The following TAF6 variants were observed in gnomAD, a reference collection of about 807,000 sequenced individuals.
TAF6 encodes the protein transcription initiation factor TFIID subunit 6.
In TAF6, 50 loss-of-function variants were observed where a neutral mutation model predicts 73.5. The ratio of observed to expected loss-of-function variants is 0.68; its 90% CI spans 0.54 to 0.86. TAF6 has a LOEUF of 0.86. Among genes scored for constraint, TAF6 ranks in the 40% least tolerant of loss-of-function variants. TAF6 has a pLI of 0.00. For missense variants in TAF6, 768 were observed against 899.5 expected (o/e 0.85, Z 1.87); for synonymous variants, 424 against 376.7 (o/e 1.13, Z -1.45).
rs1797943944 is a variant in TAF6, at chr7:100,119,338, G to T, written c.-194C>A. 1 of 1,031,038 alleles carries T rather than the reference G, an allele frequency of 9.7e-7. No homozygotes were observed. Among genetic ancestry groups the T allele is most frequent in the African/African-American group, 1.7e-5 (1 of 57,928 alleles). 63.9% of individuals were successfully genotyped at this position (1,031,038 alleles called of 1,614,324 possible). ...CCGAGACGCTGCTCACCCGGCGCTC[G>T]GCGCCATCTTGGCCCCGCCCCCTCG... is the stretch of plus-strand genomic sequence containing the variant. On this transcript the variant is annotated 5_prime_UTR_variant, in exon 1 of 15. Transcript: ENST00000453269.
At chr7:100,119,595 GCCCCACCCTT>G, upstream of TAF6, 1 of 1,507,158 alleles carries the variant, frequency 6.6e-7, no homozygotes, top group Non-Finnish European at 8.9e-7. Context: ...TAGCAACGAG[GCCCCACCCTT>G]GTTGGGCTGA....
At chr7:100,122,268 T>C, upstream of TAF6, 1 of 1,611,170 alleles carries the variant, frequency 6.2e-7, no homozygotes, top group Non-Finnish European at 8.5e-7. Flanking sequence ...GTGTGTAAGC[T>C]GCTGAGCACA....
chr7:100,121,108 A>ATTTTTTTTTTTT (rs1562938218), upstream of TAF6: 3 of 17,890 alleles, frequency 1.7e-4, no homozygotes, highest in Non-Finnish European at 3.8e-4. Flanking sequence ...ATATATATAT[A>ATTTTTTTTTTTT]TATATATATT....
At chr7:100,120,677 G>C (rs1584584161), upstream of TAF6, among the ~76,000 whole-genome samples, 1 of 152,254 alleles carries the variant, frequency 6.6e-6, no homozygotes, top group East Asian at 1.9e-4. Context: ...TTTTTAAACA[G>C]ACTTAATCAC....
chr7:100,114,165 G>C lies in TAF6; in HGVS notation c.45C>G (p.Pro15=). ...CAGCCACCACCTTCATGGACTCCGA[G>C]GGCAGCACAGTGTTGCTAAGCTTCA... ...KKLKLSNTVL[P]SESMKVVAES... Residue 15 remains proline, a synonymous_variant, in exon 2 of 15, where the codon CCC becomes CCG. Transcript: ENST00000453269. 6.2e-7 allele frequency: 1 copy of C among 1,614,234 alleles called. No homozygotes were observed. The highest frequency in any genetic ancestry group is 1.3e-5 in the African/African-American group (1 of 75,062).
chr7:100,112,642 G>A (rs1421960523), intron 6 of TAF6, among the ~76,000 whole-genome samples, 156 bp downstream of exon 6: 1 of 152,120 alleles, frequency 6.6e-6, no homozygotes, highest in African/African-American at 2.4e-5. Context: ...TTGAACCCTG[G>A]AGGTGGAGGT....
intron 13 of TAF6, 25 bp downstream of exon 13, chr7:100,108,342 T>G: frequency 6.3e-7 from 1 of 1,582,722 alleles, no homozygotes; most frequent in Non-Finnish European, 8.6e-7. Flanking sequence ...TTCCTCCTAT[T>G]CCTCCTCCCC....
At chr7:100,122,690 G>C (rs1798108488), upstream of TAF6, 3 of 1,528,194 alleles carry the variant, frequency 2.0e-6, no homozygotes, top group Middle Eastern at 1.8e-4. Context: ...ACTCACCCTT[G>C]AATCTCCAGT....
At chr7:100,110,560 C>T (rs1205886148) in intron 10 of TAF6, among the ~76,000 whole-genome samples, 2 of 152,018 alleles carry the variant, frequency 1.3e-5, no homozygotes, top group Admixed American at 6.6e-5. Context: ...ACCCGTAATC[C>T]CAGCACTTTG....
chr7:100,119,861 A>C, upstream of TAF6: 2 of 1,611,192 alleles, frequency 1.2e-6, no homozygotes, highest in Non-Finnish European at 1.7e-6. Context: ...GCAAATGCGA[A>C]GGTATTTGAA....
chr7:100,109,651 C>T (rs572248770), intron 12 of TAF6, among the ~76,000 whole-genome samples: 1 of 151,776 alleles, frequency 6.6e-6, no homozygotes, highest in Non-Finnish European at 1.5e-5. Flanking sequence ...CACGTCACCA[C>T]TCCCGGCTTT....
In TAF6 at chr7:100,108,213, C is replaced by T. The variant is rs190598653; in HGVS notation, c.1459-90G>A. On this transcript the variant is annotated intron_variant, in intron 13 of 14. Coordinates refer to ENST00000453269, the MANE Select transcript of TAF6 (RefSeq NM_139315.3). The stretch of plus-strand genomic sequence containing the variant: ...GGCCTGGGCTCCCCTCGCTCTTCCT[C>T]AGTGGCTCTCACTAGGGCTGGGGCA... 250 of 1,464,452 alleles carry T rather than the reference C, an allele frequency of 1.7e-4. 2 individuals carry two copies. The African/African-American group carries it at 3.2e-3, about 19-fold the overall frequency. 90.7% of individuals were successfully genotyped at this position (1,464,452 alleles called of 1,614,324 possible). A position where few individuals can be genotyped will look rare whatever the true frequency, so the allele number is the denominator to read the frequency against.
upstream of TAF6, chr7:100,120,190 A>G: frequency 5.0e-6 from 1 of 201,526 alleles, no homozygotes; most frequent in South Asian, 1.0e-4. Flanking sequence ...ATGTCACCAG[A>G]CCTTAATCTG....
chr7:100,123,098 T>C (rs867108064), upstream of TAF6, among the ~76,000 whole-genome samples: 14 of 151,840 alleles, frequency 9.2e-5, no homozygotes, highest in African/African-American at 3.1e-4. Flanking sequence ...TCCCAGCAAT[T>C]TGGGAGGCTG....
At chr7:100,122,918 C>T, upstream of TAF6, 2 of 1,607,632 alleles carry the variant, frequency 1.2e-6, no homozygotes. Context: ...TAGGATAAGA[C>T]ACTGCACCAT....
At position 100,107,590 on chromosome 7, in the gene TAF6, C is replaced by T; in HGVS notation, c.1690G>A (p.Gly564Ser). 2 of 1,613,650 alleles carry T rather than the reference C, an allele frequency of 1.2e-6. No individual in the cohort carries two copies. The highest frequency in any genetic ancestry group is 8.5e-7 in the Non-Finnish European group (1 of 1,179,896). ...LSLSTSAPGS[G>S]STTTSPVTTT... ...GTGACGGGCGAAGTGGTGGTGGAAC[C>T]TGAGCCGGGGGCCGAGGTGCTGAGG... The change falls in exon 15 of 15, where the codon GGT becomes AGT. Residue 564 changes from glycine (G) to serine (S), a missense_variant. Gly to Ser is a moderately conservative substitution (Grantham distance 56, BLOSUM62 0). Transcript: ENST00000453269.
At chr7:100,124,292 T>C (rs1317897167), upstream of TAF6, 1 of 514,214 alleles carries the variant, frequency 1.9e-6, no homozygotes, top group Non-Finnish European at 3.5e-6. Flanking sequence ...ATACATATTT[T>C]ACAGGCAAGG....
Position 100,110,190 on chromosome 7 carries a change from G to A in TAF6, c.1158+10C>T, listed in dbSNP as rs767066916. The A allele has an allele frequency of 3.1e-6, 5 of 1,613,994 alleles. No homozygotes were observed. Among genetic ancestry groups the A allele is most frequent in the Non-Finnish European group, 3.4e-6 (4 of 1,180,040 alleles). On this transcript the variant is annotated intron_variant, in intron 11 of 14. Coordinates refer to ENST00000453269, the MANE Select transcript of TAF6 (RefSeq NM_139315.3). ...TCCCCTCCCCCATTTCTTCCTCCCAGAGGCCTAACATCGTGTCCCAGCTCA... is the reference window on the plus strand; with the variant it reads ...TCCCCTCCCCCATTTCTTCCTCCCAAAGGCCTAACATCGTGTCCCAGCTCA...
rs1796624377 is a variant in TAF6 at position 100,107,349 on chromosome 7, C to T, written c.1931G>A (p.Cys644Tyr). Residue 644 changes from cysteine (C) to tyrosine (Y), a missense_variant, in exon 15 of 15, where the codon TGT becomes TAT. Coordinates refer to ENST00000453269, the MANE Select transcript of TAF6 (RefSeq NM_139315.3). ...SPSPLSGSAL[C>Y]GGKQEAGDSP... ...GTCCCCAGCCTCCTGCTTCCCCCCA[C>T]AAAGGGCACTGCCGCTGAGTGGGGA... The T allele has an allele frequency of 6.4e-7, 1 of 1,554,572 alleles. No individual in the cohort carries two copies.
Sources: gnomAD v4.1 joint callset for allele counts (sites outside exome capture counted in the v4.1 genomes callset) on GRCh38, gnomAD v4.1.1 for gene constraint, MANE v1.5 for transcripts, NCBI Gene and HGNC (gene_info 2026-07-23, HGNC 2026-07-21) for gene names.